The following CADM2 variants were observed in gnomAD, a reference collection of about 807,000 sequenced individuals.
CADM2 encodes the protein immunoglobulin superfamily member 4D.
In CADM2, 12 loss-of-function variants were observed where a neutral mutation model predicts 49.8. The observed-to-expected ratio is 0.24, with a 90% CI of 0.15 to 0.39. The LOEUF is 0.39. Ranked by LOEUF, CADM2 falls within the 10% of genes least tolerant of loss-of-function variation. CADM2 has a pLI of 1.00. For synonymous variants in CADM2, 214 were observed against 175.4 expected (o/e 1.22, Z -1.74); for missense variants, 378 against 492.3 (o/e 0.77, Z 2.20).
At chr3:85,198,456 G>A (rs1038690577) in intron 1 of CADM2, among the ~76,000 whole-genome samples, 8 of 148,824 alleles carry the variant, frequency 5.4e-5, no homozygotes, top group African/African-American at 2.0e-4. Flanking sequence ...TCACCACGAT[G>A]TTAATAGCAT....
At chr3:85,211,944 A>G (rs1286056380) in intron 1 of CADM2, among the ~76,000 whole-genome samples, 1 of 152,050 alleles carries the variant, frequency 6.6e-6, no homozygotes, top group Non-Finnish European at 1.5e-5. Flanking sequence ...TTTGCTTTAT[A>G]TATCTGGGTG....
intron 1 of CADM2, among the ~76,000 whole-genome samples, chr3:85,458,737 C>A (rs1272342536): frequency 6.6e-6 from 1 of 152,036 alleles, no homozygotes; most frequent in African/African-American, 2.4e-5. Flanking sequence ...CCTCTTTAAC[C>A]AGGGCAACAC....
intron 2 of CADM2, among the ~76,000 whole-genome samples, chr3:85,773,653 A>G (rs73845652): frequency 0.051 from 7,722 of 152,060 alleles, 555 homozygotes; most frequent in African/African-American, 0.16. Context: ...TTACATCTGA[A>G]ATAATCAACA....
chr3:85,325,688 C>CA (rs35096319), intron 1 of CADM2, among the ~76,000 whole-genome samples: 14,402 of 92,526 alleles, frequency 0.16, 929 homozygotes, highest in Non-Finnish European at 0.22. Flanking sequence ...AAGACTCCAT[C>CA]AAAAAAAAAA....
At chr3:85,874,584 GT>G (rs1352446040) in intron 3 of CADM2, among the ~76,000 whole-genome samples, 1 of 152,080 alleles carries the variant, frequency 6.6e-6, no homozygotes, top group Non-Finnish European at 1.5e-5. Flanking sequence ...ATTGTAGGTT[GT>G]TAAAAAGAAT....
intron 1 of CADM2, among the ~76,000 whole-genome samples, chr3:85,172,626 G>A (rs936890122): frequency 3.3e-5 from 5 of 151,870 alleles, no homozygotes; most frequent in Non-Finnish European, 7.4e-5. Flanking sequence ...ACTAACTTGT[G>A]AGAGTCTTTG....
intron 8 of CADM2, among the ~76,000 whole-genome samples, chr3:85,973,895 C>T (rs540169599): frequency 5.3e-5 from 8 of 151,648 alleles, no homozygotes; most frequent in Middle Eastern, 3.4e-3. Context: ...ATTAGGTGGG[C>T]TTAGCTGGTC....
intron 1 of CADM2, among the ~76,000 whole-genome samples, chr3:85,264,960 A>G (rs2107900997): frequency 6.6e-6 from 1 of 152,072 alleles, no homozygotes; most frequent in South Asian, 2.1e-4. Context: ...TTTGCTAAGG[A>G]CTTTTCTGGT....
chr3:85,344,851 C>T (rs955563937), intron 1 of CADM2, among the ~76,000 whole-genome samples: 1 of 151,998 alleles, frequency 6.6e-6, no homozygotes, highest in East Asian at 1.9e-4. Flanking sequence ...GATAAGAAAG[C>T]CATAATTATA....
intron 1 of CADM2, among the ~76,000 whole-genome samples, chr3:85,218,827 G>A (rs1435696571): frequency 6.6e-6 from 1 of 152,206 alleles, no homozygotes; most frequent in African/African-American, 2.4e-5. Context: ...GTGCATTTAT[G>A]CAGTGATGGC....
chr3:85,912,412 C>A lies in CADM2; in HGVS notation c.569C>A (p.Thr190Lys). 1 of 1,613,104 alleles carries A rather than the reference C, an allele frequency of 6.2e-7. No individual in the cohort carries two copies. Among genetic ancestry groups the A allele is most frequent in the Non-Finnish European group, 8.5e-7 (1 of 1,179,502 alleles). Residue 190 changes from threonine (T) to lysine (K), a missense_variant, in exon 6 of 10, where the codon ACA becomes AAA. Coordinates refer to ENST00000383699, the MANE Select transcript of CADM2 (RefSeq NM_001167675.2). Reference sequence around the variant, plus strand: ...AAAGAAGAGGATGCAAATCGCAAGACATTCACTGTCAGCAGCACACTGGAC... The same window carrying A: ...AAAGAAGAGGATGCAAATCGCAAGAAATTCACTGTCAGCAGCACACTGGAC... ...YLKEEDANRK[T>K]FTVSSTLDFR...
intron 1 of CADM2, among the ~76,000 whole-genome samples, chr3:85,618,530 T>C (rs2063867043): frequency 6.6e-6 from 1 of 152,126 alleles, no homozygotes; most frequent in South Asian, 2.1e-4. Context: ...TTAATTCTCT[T>C]AACCACCATG....
chr3:85,975,955 T>C (rs1029065949), intron 8 of CADM2, among the ~76,000 whole-genome samples: 1 of 151,554 alleles, frequency 6.6e-6, no homozygotes, highest in East Asian at 1.9e-4. Context: ...GATGTTACCA[T>C]ATAAGGCATA....
chr3:85,682,187 A>G (rs2066057825), intron 1 of CADM2, among the ~76,000 whole-genome samples: 1 of 152,140 alleles, frequency 6.6e-6, no homozygotes, highest in African/African-American at 2.4e-5. Context: ...ACAAGATTGA[A>G]TGAGCACTAC....
intron 1 of CADM2, among the ~76,000 whole-genome samples, chr3:85,115,329 C>G (rs1031143478): frequency 6.6e-6 from 1 of 152,146 alleles, no homozygotes; most frequent in African/African-American, 2.4e-5. Context: ...ACTGTTGCCT[C>G]CGTAAGACTG....
At chr3:85,319,769 C>T (rs115909365) in intron 1 of CADM2, among the ~76,000 whole-genome samples, 54 of 152,152 alleles carry the variant, frequency 3.5e-4, no homozygotes, top group African/African-American at 1.3e-3. Context: ...CTGTGGCCTA[C>T]TTGAGAGTGG....
At chr3:85,509,608 G>A (rs2040518863) in intron 1 of CADM2, among the ~76,000 whole-genome samples, 1 of 152,036 alleles carries the variant, frequency 6.6e-6, no homozygotes, top group Non-Finnish European at 1.5e-5. Flanking sequence ...TTCCATCCAT[G>A]AGGGCAGTGA....
intron 1 of CADM2, among the ~76,000 whole-genome samples, chr3:85,716,902 T>A (rs1008715673): frequency 2.0e-5 from 3 of 152,208 alleles, no homozygotes; most frequent in Non-Finnish European, 4.4e-5. Context: ...ACTGTAGACT[T>A]GTAGCACAGT....
At chr3:85,443,171 C>G in intron 1 of CADM2, among the ~76,000 whole-genome samples, 1 of 152,038 alleles carries the variant, frequency 6.6e-6, no homozygotes, top group East Asian at 1.9e-4. Flanking sequence ...GTGTTTGAAG[C>G]TCTGTGTTGC....
Sources: allele counts gnomAD v4.1 joint callset (sites outside exome capture counted in the v4.1 genomes callset), GRCh38; gene constraint gnomAD v4.1.1; transcripts MANE v1.5; gene names NCBI Gene and HGNC (gene_info 2026-07-23, HGNC 2026-07-21).